Variants in IQCM observed in about 807,000 individuals in gnomAD.
IQCM encodes the protein IQ domain-containing protein M.
IQCM carries 45 observed loss-of-function variants against 57.6 expected under a neutral mutation model. The ratio of observed to expected loss-of-function variants is 0.78; its 90% CI spans 0.62 to 1.00. The LOEUF (loss-of-function observed/expected upper bound fraction) is 1.00. Among genes scored for constraint, IQCM ranks in the 50% least tolerant of loss-of-function variants. IQCM has a pLI of 0.00. For synonymous variants in IQCM, 148 were observed against 158.9 expected (o/e 0.93, Z 0.51); for missense variants, 468 against 511.6 (o/e 0.91, Z 0.82).
intron 7 of IQCM, among the ~76,000 whole-genome samples, chr4:149,644,740 T>C (rs1758495719): frequency 6.6e-6 from 1 of 152,176 alleles, no homozygotes; most frequent in Non-Finnish European, 1.5e-5. Flanking sequence ...GGGAGCTTGA[T>C]AGAAATGCAG....
chr4:149,695,814 T>G (rs1217240231), intron 5 of IQCM, among the ~76,000 whole-genome samples: 6 of 152,084 alleles, frequency 3.9e-5, no homozygotes, highest in Non-Finnish European at 8.8e-5. Flanking sequence ...TGGCTATTAA[T>G]AAGTTTCCAG....
intron 13 of IQCM, among the ~76,000 whole-genome samples, chr4:149,411,367 A>G (rs1361566242): frequency 1.3e-5 from 2 of 152,150 alleles, no homozygotes; most frequent in Admixed American, 1.3e-4. Flanking sequence ...GTTATGAAAG[A>G]AGGTGAAAAA....
At chr4:149,526,519 A>C (rs1300937576) in intron 12 of IQCM, among the ~76,000 whole-genome samples, 1 of 152,078 alleles carries the variant, frequency 6.6e-6, no homozygotes, top group Non-Finnish European at 1.5e-5. Flanking sequence ...AAATGTAAAA[A>C]ATGGCTCCTC....
In IQCM at chr4:149,706,946, C is replaced by A. The variant is rs185683780; in HGVS notation, c.386-20478G>T. Among the ~76,000 whole-genome samples the A allele has an allele frequency of 7.9e-5, 12 of 151,972 alleles. No individual in the cohort carries two copies. In the East Asian group the frequency reaches 2.3e-3, roughly 29 times the overall value. On this transcript the variant is annotated intron_variant, in intron 5 of 13. Transcript: ENST00000636793. ...CAATTTCATTGTTTTGAGTCTATTT[C>A]CTAGAATTTTGTGAAAGGCCTTTAG...
intron 12 of IQCM, among the ~76,000 whole-genome samples, chr4:149,528,695 A>G (rs1000979802): frequency 2.0e-5 from 3 of 152,128 alleles, no homozygotes; most frequent in Non-Finnish European, 4.4e-5. Context: ...AAGTGTGAAC[A>G]TTGATGGAGG....
intron 2 of IQCM, among the ~76,000 whole-genome samples, chr4:149,795,476 T>G (rs1455029944): frequency 2.0e-5 from 3 of 152,146 alleles, no homozygotes; most frequent in African/African-American, 7.2e-5. Flanking sequence ...CAGGCTAAAG[T>G]GCACTGAGGC....
intron 5 of IQCM, among the ~76,000 whole-genome samples, chr4:149,710,005 G>A (rs962692016): frequency 2.2e-4 from 34 of 152,142 alleles, no homozygotes; most frequent in African/African-American, 7.7e-4. Context: ...AACTCTTTGA[G>A]AGTAACATTC....
intron 12 of IQCM, among the ~76,000 whole-genome samples, chr4:149,472,555 T>C (rs550473444): frequency 1.0e-3 from 154 of 152,282 alleles, no homozygotes; most frequent in Non-Finnish European, 1.7e-3. Context: ...CCCAAGGTAA[T>C]TTATAGATTC....
intron 12 of IQCM, among the ~76,000 whole-genome samples, chr4:149,461,106 C>T (rs776664326): frequency 3.3e-5 from 5 of 151,710 alleles, no homozygotes; most frequent in African/African-American, 7.3e-5. Context: ...TGGTGGCACA[C>T]GCCTGTAATC....
At chr4:149,813,579 G>C (rs1231729882) in intron 2 of IQCM, among the ~76,000 whole-genome samples, 1 of 152,018 alleles carries the variant, frequency 6.6e-6, no homozygotes, top group East Asian at 1.9e-4. Context: ...ATTAAAAATG[G>C]GTAGGCAGAT....
chr4:149,523,185 C>CATGACTTAT (rs1745834542), intron 12 of IQCM, among the ~76,000 whole-genome samples: 2 of 152,084 alleles, frequency 1.3e-5, no homozygotes, highest in Non-Finnish European at 2.9e-5. Context: ...CTTATAAAAG[C>CATGACTTAT]ACTAATCCCA....
At chr4:149,360,836 G>C (rs1729428529) in intron 13 of IQCM, among the ~76,000 whole-genome samples, 1 of 152,134 alleles carries the variant, frequency 6.6e-6, no homozygotes, top group African/African-American at 2.4e-5. Flanking sequence ...CAGCAGAGTG[G>C]GGCATTGTTG....
chr4:149,449,128 G>A (rs949267465), intron 12 of IQCM, among the ~76,000 whole-genome samples: 1 of 150,572 alleles, frequency 6.6e-6, no homozygotes, highest in African/African-American at 2.4e-5. Flanking sequence ...TCATGGACTT[G>A]AGGTAGAGAA....
At chr4:149,527,160 T>C (rs1332748819) in intron 12 of IQCM, among the ~76,000 whole-genome samples, 1 of 152,198 alleles carries the variant, frequency 6.6e-6, no homozygotes, top group Non-Finnish European at 1.5e-5. Context: ...CTAAGCATGG[T>C]GCTGGCCACA....
intron 2 of IQCM, among the ~76,000 whole-genome samples, chr4:149,775,582 C>T (rs947096926): frequency 2.6e-5 from 4 of 151,610 alleles, no homozygotes; most frequent in Non-Finnish European, 5.9e-5. Flanking sequence ...TTGCACAGGG[C>T]TTTTAATCAG....
chr4:149,579,380 T>C (rs1159337656), intron 9 of IQCM, among the ~76,000 whole-genome samples: 1 of 151,844 alleles, frequency 6.6e-6, no homozygotes, highest in Non-Finnish European at 1.5e-5. Context: ...CTGAAGCCAA[T>C]ATGCTCTAAC....
intron 13 of IQCM, among the ~76,000 whole-genome samples, chr4:149,372,035 T>C (rs1033650571): frequency 6.6e-6 from 1 of 152,188 alleles, no homozygotes; most frequent in African/African-American, 2.4e-5. Flanking sequence ...AACTTTCTGA[T>C]AAGTACTTTA....
intron 13 of IQCM, among the ~76,000 whole-genome samples, chr4:149,387,742 T>C (rs1731525220): frequency 6.6e-6 from 1 of 152,006 alleles, no homozygotes; most frequent in South Asian, 2.1e-4. Flanking sequence ...CAGTGGTGTT[T>C]AGTACATTCG....
At chr4:149,699,224 T>C (rs1291503846) in intron 5 of IQCM, among the ~76,000 whole-genome samples, 1 of 152,064 alleles carries the variant, frequency 6.6e-6, no homozygotes, top group Non-Finnish European at 1.5e-5. Context: ...AACTTCTCTA[T>C]CAACAATTTT....
Sources: gnomAD v4.1 joint callset for allele counts (sites outside exome capture counted in the v4.1 genomes callset) on GRCh38, gnomAD v4.1.1 for gene constraint, MANE v1.5 for transcripts, NCBI Gene and HGNC (gene_info 2026-07-23, HGNC 2026-07-21) for gene names.